NLRP9: variants seen among roughly 807,000 people sequenced by gnomAD.
The protein encoded by NLRP9 is NLR family pyrin domain containing 9.
Under a neutral mutation model 83.1 loss-of-function variants are expected in NLRP9, and 88 were observed. That is an observed-to-expected ratio of 1.06 (90% confidence interval 0.89 to 1.26). NLRP9 has a LOEUF of 1.26. Among genes scored for constraint, NLRP9 ranks in the 50% most tolerant of loss-of-function variants. The pLI is 0.00. For missense variants in NLRP9, 1,308 were observed against 1,179.3 expected, an observed-to-expected ratio of 1.11 and a Z score of -1.60; for synonymous variants, 521 against 447.6, an observed-to-expected ratio of 1.16 and a Z score of -2.07.
intron 7 of NLRP9, 40 bp from the exon 8 acceptor site, chr19:55,712,010 T>C (rs576006281): frequency 3.1e-6 from 5 of 1,595,526 alleles, no homozygotes; most frequent in Middle Eastern, 1.7e-4. Context: ...ACTCTAGCTT[T>C]GGGTAGGCTG....
chr19:55,731,510 G>A (rs1263442199), intron 2 of NLRP9, among the ~76,000 whole-genome samples: 1 of 152,062 alleles, frequency 6.6e-6, no homozygotes, highest in Non-Finnish European at 1.5e-5. Flanking sequence ...GATCACCTGA[G>A]TTCAGGAGTT....
At chr19:55,710,036 T>G (rs1044000315) in intron 8 of NLRP9, among the ~76,000 whole-genome samples, 1 of 152,120 alleles carries the variant, frequency 6.6e-6, no homozygotes, top group Non-Finnish European at 1.5e-5. Flanking sequence ...TCGTAGACAT[T>G]TAGACACAGG....
chr19:55,713,416 C>T (rs1987850707), intron 6 of NLRP9, among the ~76,000 whole-genome samples: 3 of 151,758 alleles, frequency 2.0e-5, no homozygotes, highest in South Asian at 2.1e-4. Context: ...AGGCACGTGT[C>T]TACCCACACT....
chr19:55,713,146 A>T (rs1046993819), intron 6 of NLRP9, among the ~76,000 whole-genome samples: 1 of 151,018 alleles, frequency 6.6e-6, no homozygotes, highest in Non-Finnish European at 1.5e-5. Context: ...AATTATCAGC[A>T]TAGCTACCTC....
chr19:55,715,378 T>G (rs1445896752), intron 5 of NLRP9, among the ~76,000 whole-genome samples, 153 bp from the exon 6 acceptor site: 1 of 152,178 alleles, frequency 6.6e-6, no homozygotes, highest in African/African-American at 2.4e-5. Flanking sequence ...TTCCTTGAAC[T>G]CTGCTGTCAC....
chr19:55,725,904 T>C (rs868255005), intron 3 of NLRP9, among the ~76,000 whole-genome samples: 13 of 151,810 alleles, frequency 8.6e-5, no homozygotes, highest in African/African-American at 3.1e-4. Context: ...CGGGCACCTG[T>C]AGTCCCAGCT....
rs763360247 is a variant in NLRP9, at chr19:55,732,711, T to C, written c.1120A>G (p.Thr374Ala). ...TTYLYASFLT[T>A]VFKAGSQSFP... ...CTCTGACTTCCTGCTTTGAATACAG[T>C]TGTTAAAAAGGATGCATATAAATAG... is the stretch of plus-strand genomic sequence containing the variant. Residue 374 changes from threonine (T) to alanine (A), a missense_variant, in exon 2 of 9, where the codon ACT becomes GCT. Coordinates refer to ENST00000332836, the MANE Select transcript of NLRP9 (RefSeq NM_176820.4). The C allele has an allele frequency of 2.6e-5, 42 of 1,614,004 alleles. No homozygotes were observed. The Admixed American group carries it at 6.7e-4, about 26-fold the overall frequency.
chr19:55,730,364 G>A (rs141780825), intron 2 of NLRP9, among the ~76,000 whole-genome samples: 347 of 151,702 alleles, frequency 2.3e-3, no homozygotes, highest in African/African-American at 7.9e-3. Flanking sequence ...TGAGGTGAGA[G>A]AATCACTTGA....
rs567732212 is a variant in NLRP9, at chr19:55,708,666, G to A, written c.*246C>T. On this transcript the variant is annotated 3_prime_UTR_variant, in exon 9 of 9. Coordinates refer to ENST00000332836, the MANE Select transcript of NLRP9 (RefSeq NM_176820.4). ...CGTTTAGCACTTGTTTAACGTACTT[G>A]TGCTTCTAAATATCACAAGGCAGGA... 2.9e-6 allele frequency: 1 copy of A among 340,158 alleles called. No homozygotes were observed. The highest frequency in any genetic ancestry group is 4.6e-5 in the East Asian group (1 of 21,792). 21.1% of individuals were successfully genotyped at this position (340,158 alleles called of 1,614,324 possible).
At position 55,708,738 on chromosome 19, in the gene NLRP9, C is replaced by G; in HGVS notation, c.*174G>C. ...GATATAGGACCGAGGCAAAGACAAT[C>G]AGCATGTACACTGAATCACACTCCA... On this transcript the variant is annotated 3_prime_UTR_variant, in exon 9 of 9. Transcript: ENST00000332836. The G allele has an allele frequency of 2.1e-6, 1 of 477,464 alleles. No individual in the cohort carries two copies. The allele number at this position is 477,464 out of a possible 1,614,324, so 29.6% of individuals were successfully genotyped here.
At chr19:55,710,033 C>T (rs966780141) in intron 8 of NLRP9, among the ~76,000 whole-genome samples, 2 of 152,122 alleles carry the variant, frequency 1.3e-5, no homozygotes, top group African/African-American at 4.8e-5. Flanking sequence ...ATTTCGTAGA[C>T]ATTTAGACAC....
intron 3 of NLRP9, among the ~76,000 whole-genome samples, chr19:55,727,061 C>T (rs10419893): frequency 0.31 from 46,452 of 151,736 alleles, 8,598 homozygotes; most frequent in African/African-American, 0.53. Context: ...GAGACCAGCC[C>T]GGCCAACATA....
Position 55,732,434 on chromosome 19 carries a change from G to A in NLRP9, c.1397C>T (p.Pro466Leu), listed in dbSNP as rs761831252. ...FYLLKRPKDD[P>L]NPAIGSITQL... is the part of the protein sequence containing the mutation. Reference sequence around the variant, plus strand: ...GGTTATGCTTCCAATGGCCGGGTTAGGATCGTCTTTGGGTCGTTTGAGCAA... The same window carrying A: ...GGTTATGCTTCCAATGGCCGGGTTAAGATCGTCTTTGGGTCGTTTGAGCAA... The change falls in exon 2 of 9, where the codon CCT becomes CTT. Residue 466 changes from proline (P) to leucine (L), a missense_variant. Coordinates refer to ENST00000332836, the MANE Select transcript of NLRP9 (RefSeq NM_176820.4). The A allele has an allele frequency of 1.9e-6, 3 of 1,614,224 alleles. No individual in the cohort carries two copies. The highest frequency in any genetic ancestry group is 1.7e-6 in the Non-Finnish European group (2 of 1,180,046).
intron 5 of NLRP9, among the ~76,000 whole-genome samples, chr19:55,716,252 A>ATTT (rs1988004845): frequency 7.3e-6 from 1 of 136,388 alleles, no homozygotes. Flanking sequence ...AAATTTAAAA[A>ATTT]TTTTCTTTTT....
intron 6 of NLRP9, among the ~76,000 whole-genome samples, chr19:55,714,155 C>G (rs1987917239): frequency 1.3e-5 from 2 of 152,048 alleles, no homozygotes. Flanking sequence ...TCTTCAGTTC[C>G]TAGCAGAGGG....
At position 55,712,584 on chromosome 19, in the gene NLRP9, C is replaced by T. The variant is rs1367755645; in HGVS notation, c.2508G>A (p.Met836Ile). Reference protein sequence around the residue: ...PGCSIRELWLMGCFLTSDSCK... With the variant: ...PGCSIRELWLIGCFLTSDSCK... ...AGGAATCGGAAGTAAGGAAACAGCCCATCAACCTGGGGAGGTGGAAGACAC... is the reference window on the plus strand; with the variant it reads ...AGGAATCGGAAGTAAGGAAACAGCCTATCAACCTGGGGAGGTGGAAGACAC... The change falls in exon 7 of 9, where the codon ATG becomes ATA. Residue 836 changes from methionine (M) to isoleucine (I), a missense_variant. Coordinates refer to ENST00000332836, the MANE Select transcript of NLRP9 (RefSeq NM_176820.4). The T allele has an allele frequency of 2.5e-6, 4 of 1,611,826 alleles. No homozygotes were observed. The highest frequency in any genetic ancestry group is 1.3e-5 in the African/African-American group (1 of 74,686).
At chr19:55,711,680 C>A in intron 8 of NLRP9, 120 bp downstream of exon 8, 1 of 990,040 alleles carries the variant, frequency 1.0e-6, no homozygotes. Context: ...GGCCCAAGGA[C>A]AGGCCCCCAC....
intron 8 of NLRP9, 160 bp from the exon 9 acceptor site, chr19:55,709,204 T>C (rs557554907): frequency 2.0e-6 from 1 of 500,432 alleles, no homozygotes; most frequent in South Asian, 3.6e-5. Context: ...ATCTTTCCTA[T>C]AGGATAGGAA....
At chr19:55,715,305 A>T in intron 5 of NLRP9, 80 bp from the exon 6 acceptor site, 1 of 1,235,452 alleles carries the variant, frequency 8.1e-7, no homozygotes, top group Non-Finnish European at 1.1e-6. Flanking sequence ...CTCCCAGCCC[A>T]CTGAAGCTTC....
Sources: allele counts gnomAD v4.1 joint callset (sites outside exome capture counted in the v4.1 genomes callset), GRCh38; gene constraint gnomAD v4.1.1; transcripts MANE v1.5; gene names NCBI Gene and HGNC (gene_info 2026-07-23, HGNC 2026-07-21).